The following MYBPC1 variants were observed in gnomAD, a reference collection of about 807,000 sequenced individuals.
MYBPC1 encodes myosin binding protein C1, also known as myosin-binding protein C, slow-type.
Under a neutral mutation model 147.1 loss-of-function variants are expected in MYBPC1, and 52 were observed. The ratio of observed to expected loss-of-function variants is 0.35; its 90% confidence interval spans 0.28 to 0.45. MYBPC1 has a LOEUF of 0.45. Ranked by LOEUF, MYBPC1 falls within the 20% of genes least tolerant of loss-of-function variation. The pLI, the probability that MYBPC1 is intolerant of heterozygous loss-of-function variation, is 1.00. For missense variants in MYBPC1, 1,228 were observed against 1,440.3 expected, an observed-to-expected ratio of 0.85 and a Z score of 2.39; for synonymous variants, 477 against 475.9, an observed-to-expected ratio of 1.00 and a Z score of -0.03.
chr12:101,612,557 A>G (rs1884674058), intron 1 of MYBPC1, among the ~76,000 whole-genome samples: 1 of 152,156 alleles, frequency 6.6e-6, no homozygotes, highest in Non-Finnish European at 1.5e-5. Flanking sequence ...CCAAATAATA[A>G]TAGAAATACT....
At chr12:101,651,426 T>A in intron 16 of MYBPC1, 33 bp downstream of exon 16, 2 of 1,612,478 alleles carry the variant, frequency 1.2e-6, no homozygotes, top group Non-Finnish European at 1.7e-6. Context: ...AAGTGAGGTT[T>A]GGTCCCATTT....
At chr12:101,684,354 T>C (rs201147718) in intron 30 of MYBPC1, 28 bp from the exon 31 acceptor site, 1 of 1,546,818 alleles carries the variant, frequency 6.5e-7, no homozygotes, top group South Asian at 1.1e-5. Flanking sequence ...ACGACTTCTC[T>C]CTCTCTCCCT....
intron 24 of MYBPC1, among the ~76,000 whole-genome samples, chr12:101,672,959 C>T (rs531754829): frequency 6.6e-6 from 1 of 152,308 alleles, no homozygotes; most frequent in Admixed American, 6.5e-5. Context: ...CCATTATTCC[C>T]GTTGAGGCAC....
intron 3 of MYBPC1, among the ~76,000 whole-genome samples, chr12:101,621,907 T>C (rs376797000): frequency 5.4e-4 from 82 of 152,314 alleles, no homozygotes; most frequent in African/African-American, 1.8e-3. Context: ...TTCCCTACTT[T>C]CTAGAATTTC....
At chr12:101,681,672 G>A (rs535867174) in intron 29 of MYBPC1, among the ~76,000 whole-genome samples, 67 of 129,784 alleles carry the variant, frequency 5.2e-4, no homozygotes, top group African/African-American at 1.8e-3. Context: ...GGAAGGGTGC[G>A]ATCTCAGCTC....
chr12:101,611,877 G>A (rs1357924120), intron 1 of MYBPC1, among the ~76,000 whole-genome samples: 1 of 152,112 alleles, frequency 6.6e-6, no homozygotes, highest in African/African-American at 2.4e-5. Flanking sequence ...AAGAGATCGA[G>A]ACCATCCTGG....
intron 18 of MYBPC1, among the ~76,000 whole-genome samples, chr12:101,658,634 A>G (rs1338984294): frequency 2.6e-5 from 4 of 152,188 alleles, no homozygotes; most frequent in Non-Finnish European, 4.4e-5. Context: ...TAGAAAATCT[A>G]AAAGAATTGA....
intron 1 of MYBPC1, among the ~76,000 whole-genome samples, chr12:101,608,961 C>T (rs956123477): frequency 3.9e-5 from 6 of 152,058 alleles, no homozygotes; most frequent in South Asian, 4.1e-4. Context: ...TGCCAGGGGA[C>T]GGTTATGGAT....
intron 10 of MYBPC1, among the ~76,000 whole-genome samples, chr12:101,638,219 A>G (rs1219523176): frequency 2.0e-5 from 3 of 152,202 alleles, no homozygotes; most frequent in Non-Finnish European, 2.9e-5. Flanking sequence ...TCTCCCTGCA[A>G]TCATTTACTC....
intron 23 of MYBPC1, chr12:101,670,051 G>A: frequency 1.9e-6 from 1 of 517,910 alleles, no homozygotes. Context: ...AAAATACAAA[G>A]TTGCAATAAA....
chr12:101,625,011 G>C (rs1293647243), intron 3 of MYBPC1, among the ~76,000 whole-genome samples: 1 of 100,272 alleles, frequency 1.0e-5, no homozygotes, highest in Non-Finnish European at 1.9e-5. Flanking sequence ...AACTAGTAAG[G>C]TACTAAATTG....
downstream of MYBPC1, among the ~76,000 whole-genome samples, chr12:101,688,427 A>T (rs989329530): frequency 8.6e-5 from 13 of 151,996 alleles, no homozygotes; most frequent in Non-Finnish European, 1.3e-4. Context: ...TCAAAAAAAA[A>T]TTTTTTTTAA....
Position 101,685,677 on chromosome 12 carries a change from T to C in MYBPC1, c.*115T>C, listed in dbSNP as rs1302805686. ...CTTACACTCAAGCAATCCTGAGGAA[T>C]ACTGAGGGAGGGCCTGGCTACTGTC... On this transcript the variant is annotated 3_prime_UTR_variant, in exon 32 of 32. Coordinates refer to ENST00000361466, the MANE Select transcript of MYBPC1 (RefSeq NM_002465.4). 6.6e-7 allele frequency: 1 copy of C among 1,517,278 alleles called. No homozygotes were observed. Among genetic ancestry groups the C allele is most frequent in the Non-Finnish European group, 8.8e-7 (1 of 1,130,202 alleles). The allele number at this position is 1,517,278 out of a possible 1,614,324, so 94.0% of individuals were successfully genotyped here.
At chr12:101,668,971 C>T (rs1898017392) in intron 23 of MYBPC1, among the ~76,000 whole-genome samples, 1 of 152,006 alleles carries the variant, frequency 6.6e-6, no homozygotes, top group African/African-American at 2.4e-5. Flanking sequence ...CCTGTGGTCC[C>T]AGCTACTCAG....
chr12:101,629,127 G>A (rs1889270799), intron 5 of MYBPC1: 1 of 388,922 alleles, frequency 2.6e-6, no homozygotes, highest in African/African-American at 2.1e-5. Flanking sequence ...TTAGGGGACA[G>A]GCAAGATGGG....
In MYBPC1 at chr12:101,644,659, A is replaced by G. The variant is rs371190467; in HGVS notation, c.833-5A>G. The G allele has an allele frequency of 1.2e-6, 2 of 1,612,004 alleles. No homozygotes were observed. The highest frequency in any genetic ancestry group is 1.3e-5 in the African/African-American group (1 of 74,976). ...AACATACTTTTGCTTCTTCTATTCTATCAGCTTTTGCAAAAATTCTTGATC... is the reference window on the plus strand; with the variant it reads ...AACATACTTTTGCTTCTTCTATTCTGTCAGCTTTTGCAAAAATTCTTGATC... On this transcript the variant is annotated splice_region_variant and splice_polypyrimidine_tract_variant and intron_variant, in intron 11 of 31. Transcript: ENST00000361466.
intron 18 of MYBPC1, among the ~76,000 whole-genome samples, chr12:101,657,711 A>G (rs1895778187): frequency 6.6e-6 from 1 of 152,224 alleles, no homozygotes; most frequent in African/African-American, 2.4e-5. Flanking sequence ...ATAACCTTAC[A>G]AAACAGAAAG....
intron 6 of MYBPC1, 127 bp downstream of exon 6, chr12:101,629,671 G>A (rs1462071185): frequency 4.2e-6 from 3 of 713,290 alleles, no homozygotes; most frequent in East Asian, 5.7e-5. Flanking sequence ...TCAGGAGTTC[G>A]AGACCAGCCT....
rs147573406 is a variant in MYBPC1 at position 101,681,019 on chromosome 12, TACAC to T, written c.3433+492_3433+495del. 4.7e-3 allele frequency among the ~76,000 whole-genome samples: 719 copies of T among 152,338 alleles called. 9 individuals carry two copies. Among genetic ancestry groups the T allele is most frequent in the African/African-American group, 0.017 (687 of 41,572 alleles). On this transcript the variant is annotated intron_variant, in intron 29 of 31. Coordinates refer to ENST00000361466, the MANE Select transcript of MYBPC1 (RefSeq NM_002465.4). ...GTTTTGCTAATTAAGTGTTTGATAT[TACAC>T]ATATAGAATATAGCATATACATATT...
Sources: allele counts gnomAD v4.1 joint callset (sites outside exome capture counted in the v4.1 genomes callset), GRCh38; gene constraint gnomAD v4.1.1; transcripts MANE v1.5; gene names NCBI Gene and HGNC (gene_info 2026-07-23, HGNC 2026-07-21).